Variants in MGAT5B observed in about 807,000 individuals in gnomAD.
MGAT5B encodes the protein N-acetylglucosaminyl-transferase Vb.
A neutral mutation model predicts 95.1 loss-of-function variants in MGAT5B; 54 were observed. The ratio of observed to expected loss-of-function variants is 0.57; its 90% CI spans 0.46 to 0.71. The LOEUF is 0.71. Ranked by LOEUF, MGAT5B falls within the 30% of genes least tolerant of loss-of-function variation. The pLI is 0.00. For missense variants in MGAT5B, 935 were observed against 1,088.6 expected (o/e 0.86, Z 1.99); for synonymous variants, 464 against 451.0 (o/e 1.03, Z -0.36).
rs1969433439 is a variant in MGAT5B at position 76,930,112 on chromosome 17, G to A, written c.1292-2533G>A. On this transcript the variant is annotated intron_variant, in intron 10 of 17. Coordinates refer to ENST00000569840, the MANE Select transcript of MGAT5B (RefSeq NM_001199172.2). The surrounding 1 kb of genome is among the most constrained non-coding windows in gnomAD (Gnocchi z 4.1). Reference sequence around the variant, plus strand: ...GAGATGGGAGAGCTGTCCTGACCCTGACCACCCACAGAAAGAACTCCAGGC... The same window carrying A: ...GAGATGGGAGAGCTGTCCTGACCCTAACCACCCACAGAAAGAACTCCAGGC... Among the ~76,000 whole-genome samples the A allele has an allele frequency of 6.6e-6, 1 of 152,110 alleles. No individual in the cohort carries two copies. The highest frequency in any genetic ancestry group is 2.4e-5 in the African/African-American group (1 of 41,410).
chr17:76,942,238 C>A (rs1470856363), intron 15 of MGAT5B, among the ~76,000 whole-genome samples: 1 of 152,152 alleles, frequency 6.6e-6, no homozygotes, highest in African/African-American at 2.4e-5. Context: ...AGAGCAAAAG[C>A]AACTAGAGGC....
chr17:76,920,432 C>A (rs1170590782), intron 8 of MGAT5B, among the ~76,000 whole-genome samples: 1 of 152,178 alleles, frequency 6.6e-6, no homozygotes, highest in Admixed American at 6.5e-5. Flanking sequence ...ATTTTCAATT[C>A]ATGTCACTGC....
Position 76,947,931 on chromosome 17 carries a change from C to T in MGAT5B, c.2025C>T (p.Asn675=). ...CCACCCACCTCGAGTGGGCTCGGAA[C>T]ACCAGCTTGGCTCCTGGGGCCTGGC... is the stretch of plus-strand genomic sequence containing the variant. ...PNATHLEWAR[N]TSLAPGAWPP... Residue 675 remains asparagine (N), a synonymous_variant, in exon 17 of 18, where the codon AAC becomes AAT. Coordinates refer to ENST00000569840, the MANE Select transcript of MGAT5B (RefSeq NM_001199172.2). 1.2e-6 allele frequency: 2 copies of T among 1,613,264 alleles called. No homozygotes were observed. The highest frequency in any genetic ancestry group is 1.7e-6 in the Non-Finnish European group (2 of 1,179,556).
At position 76,868,929 on chromosome 17, in the gene MGAT5B, T is replaced by G. The variant is rs1234575923; in HGVS notation, c.-101T>G. ...GCTCCCAGCTTCGCTCGGACGCGGC[T>G]TCGGCCCGCAGAGGGTTCGTGGCCC... On this transcript the variant is annotated 5_prime_UTR_variant, in exon 1 of 18. Coordinates refer to ENST00000569840, the MANE Select transcript of MGAT5B (RefSeq NM_001199172.2). This position sits in a 1 kb window ranked among gnomAD's most constrained non-coding sequence, Gnocchi z 6.3. The G allele has an allele frequency of 2.5e-6, 3 of 1,184,004 alleles. No individual in the cohort carries two copies. Among genetic ancestry groups the G allele is most frequent in the South Asian group, 1.3e-5 (1 of 74,516 alleles). The allele number at this position is 1,184,004 out of a possible 1,614,324, so 73.3% of individuals were successfully genotyped here.
intron 3 of MGAT5B, among the ~76,000 whole-genome samples, chr17:76,884,195 T>C (rs1484192709): frequency 6.6e-6 from 1 of 152,202 alleles, no homozygotes; most frequent in Non-Finnish European, 1.5e-5. Flanking sequence ...AAGATTTAAT[T>C]AAATCTTTAC....
Position 76,914,700 on chromosome 17 carries a change from G to A in MGAT5B, c.1025+8513G>A, listed in dbSNP as rs770485254. Among the ~76,000 whole-genome samples the A allele has an allele frequency of 3.3e-5, 5 of 151,608 alleles. No homozygotes were observed. The highest frequency in any genetic ancestry group is 6.6e-5 in the Admixed American group (1 of 15,246). ...TGTCCCCCAGCTGGAGCGCAGTGGC[G>A]CAGTCTCGGCTCACTGCATCCTCCA... On this transcript the variant is annotated intron_variant, in intron 8 of 17. Transcript: ENST00000569840. This position sits in a 1 kb window ranked among gnomAD's most constrained non-coding sequence, Gnocchi z 5.1.
chr17:76,899,235 G>T (rs759464710), intron 3 of MGAT5B, among the ~76,000 whole-genome samples: 1 of 152,138 alleles, frequency 6.6e-6, no homozygotes, highest in Non-Finnish European at 1.5e-5. Flanking sequence ...CAGGCGCCCA[G>T]TTTTTCTCCA....
In MGAT5B at chr17:76,906,379, G is replaced by A. The variant is rs1968530397; in HGVS notation, c.1025+192G>A. 6.6e-6 allele frequency among the ~76,000 whole-genome samples: 1 copy of A among 152,236 alleles called. No individual in the cohort carries two copies. The highest frequency in any genetic ancestry group is 2.4e-5 in the African/African-American group (1 of 41,458). The stretch of plus-strand genomic sequence containing the variant: ...AATCCCCCTCCTCCTGCCCGGTCTT[G>A]GGGGATGTGGCAGGGAAGTGTATTT... On this transcript the variant is annotated intron_variant, in intron 8 of 17. Transcript: ENST00000569840. The surrounding 1 kb of genome is among the most constrained non-coding windows in gnomAD (Gnocchi z 4.6).
At chr17:76,921,249 C>A (rs182042138) in intron 8 of MGAT5B, among the ~76,000 whole-genome samples, 14 of 152,304 alleles carry the variant, frequency 9.2e-5, no homozygotes, top group Non-Finnish European at 2.9e-5. Context: ...GAAATTTCTG[C>A]GGCACCTGGC....
At chr17:76,878,676 T>C (rs371245428) in intron 2 of MGAT5B, among the ~76,000 whole-genome samples, 4 of 152,224 alleles carry the variant, frequency 2.6e-5, no homozygotes, top group East Asian at 1.9e-4. Context: ...GGTTTTGCCA[T>C]GTTGCCCAGG....
rs1404428029 is a variant in MGAT5B at position 76,940,928 on chromosome 17, C to G, written c.1848+80C>G. The G allele has an allele frequency of 2.5e-5, 31 of 1,246,352 alleles. 1 individual carries two copies. Among genetic ancestry groups the G allele is most frequent in the South Asian group, 2.4e-4 (19 of 78,428 alleles). 77.2% of individuals were successfully genotyped at this position (1,246,352 alleles called of 1,614,324 possible). ...CACTCTGATTAGAAAACGGTGCCCC[C>G]CTCTGGGTGAGTTCAGACTTGCAGG... On this transcript the variant is annotated intron_variant, in intron 15 of 17. Transcript: ENST00000569840. The surrounding 1 kb of genome is among the most constrained non-coding windows in gnomAD (Gnocchi z 4.3).
chr17:76,910,428 G>A (rs781275122), intron 8 of MGAT5B, among the ~76,000 whole-genome samples: 27 of 152,192 alleles, frequency 1.8e-4, no homozygotes, highest in Non-Finnish European at 7.3e-5. Flanking sequence ...ATGCATACAC[G>A]TGCATATCCA....
At chr17:76,878,506 G>A (rs1207630055) in intron 2 of MGAT5B, among the ~76,000 whole-genome samples, 7 of 152,238 alleles carry the variant, frequency 4.6e-5, no homozygotes, top group Middle Eastern at 3.4e-3. Context: ...AGAGGGTCTC[G>A]CTCTGTTGCC....
At position 76,912,803 on chromosome 17, in the gene MGAT5B, C is replaced by T. The variant is rs547703958; in HGVS notation, c.1025+6616C>T. Among the ~76,000 whole-genome samples, 8 of 152,278 alleles carry T rather than the reference C, an allele frequency of 5.3e-5. No individual in the cohort carries two copies. The East Asian group carries it at 1.4e-3, about 26-fold the overall frequency. ...ATGTCAGCCAGTCCCCGCCCGCGCCCCGCCGTGTGCGGAGGGAAGAAGCCA... is the reference window on the plus strand; with the variant it reads ...ATGTCAGCCAGTCCCCGCCCGCGCCTCGCCGTGTGCGGAGGGAAGAAGCCA... On this transcript the variant is annotated intron_variant, in intron 8 of 17. Transcript: ENST00000569840. The surrounding 1 kb of genome is among the most constrained non-coding windows in gnomAD (Gnocchi z 5.0).
intron 2 of MGAT5B, among the ~76,000 whole-genome samples, chr17:76,878,515 C>T (rs1275384359): frequency 1.3e-5 from 2 of 152,194 alleles, no homozygotes; most frequent in Admixed American, 6.5e-5. Flanking sequence ...CGCTCTGTTG[C>T]CCAGGCTGGA....
Position 76,946,415 on chromosome 17 carries a change from A to T in MGAT5B, c.1888A>T (p.Met630Leu). 6.2e-7 allele frequency: 1 copy of T among 1,605,484 alleles called. No homozygotes were observed. The highest frequency in any genetic ancestry group is 8.5e-7 in the Non-Finnish European group (1 of 1,175,668). Residue 630 changes from methionine to leucine, a missense_variant, in exon 16 of 18, where the codon ATG (methionine) becomes TTG (leucine). Met to Leu is a conservative substitution (Grantham distance 15). Transcript: ENST00000569840. ...ACCCTACGAGTACACCTGCGAGGGG[A>T]TGCTGGAGCGGATCCACGCCTACAT... is the stretch of plus-strand genomic sequence containing the variant. Reference protein sequence around the residue: ...YLPYEYTCEGMLERIHAYIQH... With the variant: ...YLPYEYTCEGLLERIHAYIQH...
Position 76,915,721 on chromosome 17 carries a change from C to T in MGAT5B, c.1026-9245C>T, listed in dbSNP as rs982146001. On this transcript the variant is annotated intron_variant, in intron 8 of 17. Transcript: ENST00000569840. This position sits in a 1 kb window ranked among gnomAD's most constrained non-coding sequence, Gnocchi z 8.7. ...TGAATGGCAGCTCTCCTGCATCACC[C>T]TCCCCGTTCCAAGAGGAGGCACGAG... Among the ~76,000 whole-genome samples, 1 of 152,232 alleles carries T rather than the reference C, an allele frequency of 6.6e-6. No homozygotes were observed. The highest frequency in any genetic ancestry group is 1.5e-5 in the Non-Finnish European group (1 of 68,044).
In MGAT5B at chr17:76,917,002, G is replaced by C. The variant is rs867112740; in HGVS notation, c.1026-7964G>C. ...AGCCGGCAGAAGCACAGGGTGGTAC[G>C]AATAACCCCCTAGCACTCTTCCCGA... is the stretch of plus-strand genomic sequence containing the variant. On this transcript the variant is annotated intron_variant, in intron 8 of 17. Coordinates refer to ENST00000569840, the MANE Select transcript of MGAT5B (RefSeq NM_001199172.2). This position sits in a 1 kb window ranked among gnomAD's most constrained non-coding sequence, Gnocchi z 6.1. 2.0e-5 allele frequency among the ~76,000 whole-genome samples: 3 copies of C among 152,134 alleles called. No individual in the cohort carries two copies. The highest frequency in any genetic ancestry group is 4.8e-5 in the African/African-American group (2 of 41,410).
chr17:76,892,277 A>G (rs1478403350), intron 3 of MGAT5B, among the ~76,000 whole-genome samples: 1 of 152,104 alleles, frequency 6.6e-6, no homozygotes, highest in East Asian at 1.9e-4. Flanking sequence ...CGAACACCTG[A>G]CCTCAGGTGA....
Sources: gnomAD v4.1 joint callset for allele counts (sites outside exome capture counted in the v4.1 genomes callset) on GRCh38, gnomAD v4.1.1 for gene constraint, Gnocchi (gnomAD v3.1) non-coding constraint, MANE v1.5 for transcripts, NCBI Gene and HGNC (gene_info 2026-07-23, HGNC 2026-07-21) for gene names.